TLK2: variants seen among roughly 807,000 people sequenced by gnomAD.
TLK2 encodes tousled like kinase 2, also known as serine/threonine-protein kinase tousled-like 2.
TLK2 carries 6 observed loss-of-function variants against 117.3 expected under a neutral mutation model. The observed-to-expected ratio is 0.05, with a 90% CI of 0.03 to 0.10. The LOEUF is 0.10. TLK2 is among the 10% of genes least tolerant of loss of function. The pLI is 1.00. For synonymous variants in TLK2, 257 were observed against 316.7 expected (o/e 0.81, Z 2.00); for missense variants, 299 against 901.2 (o/e 0.33, Z 8.56).
intron 7 of TLK2, among the ~76,000 whole-genome samples, chr17:62,548,574 C>T (rs969511854): frequency 4.6e-5 from 7 of 151,956 alleles, no homozygotes; most frequent in South Asian, 2.1e-4. Context: ...AGCCACTGCA[C>T]CCGGCCCTAT....
In TLK2 at chr17:62,556,355, T is replaced by C. The variant is rs1225894879; in HGVS notation, c.720+2600T>C. 6.6e-5 allele frequency among the ~76,000 whole-genome samples: 10 copies of C among 152,376 alleles called. No individual in the cohort carries two copies. In the Middle Eastern group the frequency reaches 0.01, roughly 155 times the overall value. On this transcript the variant is annotated intron_variant, in intron 9 of 21. Transcript: ENST00000346027. ...TTTATTCAACTGATTTCAAAACTTA[T>C]CAGCAGTATTTTTTTTATTTATAGT...
At chr17:62,494,248 A>T (rs1403297537) in intron 2 of TLK2, among the ~76,000 whole-genome samples, 1 of 151,876 alleles carries the variant, frequency 6.6e-6, no homozygotes, top group Non-Finnish European at 1.5e-5. Flanking sequence ...ACGCCTGGCT[A>T]ATTTTTGTAT....
chr17:62,473,770 GT>G (rs2070985128), intron 1 of TLK2, among the ~76,000 whole-genome samples: 1 of 152,002 alleles, frequency 6.6e-6, no homozygotes, highest in Admixed American at 6.5e-5. Flanking sequence ...TTCAGACATT[GT>G]TTGTGGCTAC....
chr17:62,591,271 C>T (rs1278380578), intron 16 of TLK2, among the ~76,000 whole-genome samples: 1 of 151,828 alleles, frequency 6.6e-6, no homozygotes, highest in Non-Finnish European at 1.5e-5. Flanking sequence ...GAAAGAAAAT[C>T]TGTATGTTTC....
At chr17:62,514,415 C>T (rs932973920) in intron 2 of TLK2, among the ~76,000 whole-genome samples, 3 of 150,510 alleles carry the variant, frequency 2.0e-5, no homozygotes, top group Admixed American at 6.6e-5. Context: ...CAGTTCTGGG[C>T]TTACAGGTGT....
intron 6 of TLK2, among the ~76,000 whole-genome samples, chr17:62,528,857 T>C (rs2076553478): frequency 6.6e-6 from 1 of 152,220 alleles, no homozygotes; most frequent in African/African-American, 2.4e-5. Flanking sequence ...AAGTTAACTC[T>C]ATGTAATTGT....
intron 2 of TLK2, among the ~76,000 whole-genome samples, chr17:62,512,672 T>C (rs545465339): frequency 5.9e-5 from 9 of 152,002 alleles, no homozygotes; most frequent in Non-Finnish European, 1.2e-4. Context: ...AGGGTCTTAC[T>C]CTGTACTTTT....
intron 3 of TLK2, among the ~76,000 whole-genome samples, chr17:62,521,393 TTGAC>T (rs1445133254): frequency 6.6e-6 from 1 of 152,168 alleles, no homozygotes; most frequent in African/African-American, 2.4e-5. Flanking sequence ...ATAAAATTGA[TTGAC>T]TGATTTTATT....
intron 7 of TLK2, among the ~76,000 whole-genome samples, chr17:62,546,480 T>G (rs1289655159): frequency 6.7e-6 from 1 of 149,134 alleles, no homozygotes. Context: ...CTCTGTGCTA[T>G]TCATGTTTCT....
chr17:62,611,133 G>GA lies in TLK2; in HGVS notation c.2080-1259_2080-1258insA, dbSNP rs748382571. ...AGCCTGGGTGACAGAACGAGATCTT[G>GA]TCTCTAAAAAAAGTTTTAAAAAACA... is the stretch of plus-strand genomic sequence containing the variant. On this transcript the variant is annotated intron_variant, in intron 21 of 21. Transcript: ENST00000346027. Among the ~76,000 whole-genome samples the GA allele has an allele frequency of 3.3e-4, 50 of 152,116 alleles. 1 individual carries two copies. Among genetic ancestry groups the GA allele is most frequent in the Non-Finnish European group, 5.3e-4 (36 of 68,020 alleles).
At chr17:62,604,286 C>T (rs947992327) in intron 19 of TLK2, among the ~76,000 whole-genome samples, 20 of 152,032 alleles carry the variant, frequency 1.3e-4, no homozygotes, top group Non-Finnish European at 2.5e-4. Flanking sequence ...GGAATATAGG[C>T]GTGAGCCACC....
At chr17:62,596,833 A>G (rs1000892047) in intron 17 of TLK2, among the ~76,000 whole-genome samples, 159 bp downstream of exon 17, 8 of 152,232 alleles carry the variant, frequency 5.3e-5, no homozygotes, top group African/African-American at 1.9e-4. Flanking sequence ...TGGATCAGCA[A>G]GAAACCTCTA....
rs114080698 is a variant in TLK2 at position 62,605,531 on chromosome 17, C to T, written c.1860-599C>T. ...GGAGCTACAGGGGTGTGCTACCAGG[C>T]GCAGCTAATTTTTGTATTTTTAGTA... On this transcript the variant is annotated intron_variant, in intron 19 of 21. Transcript: ENST00000346027. Among the ~76,000 whole-genome samples the T allele has an allele frequency of 5.3e-3, 800 of 151,972 alleles. 5 individuals are homozygous for T. The highest frequency in any genetic ancestry group is 0.018 in the African/African-American group (760 of 41,458).
chr17:62,524,533 A>G (rs71375861), intron 6 of TLK2, among the ~76,000 whole-genome samples: 1 of 152,172 alleles, frequency 6.6e-6, no homozygotes, highest in South Asian at 2.1e-4. Flanking sequence ...GCCAATCCTA[A>G]TATCTCTATA....
intron 18 of TLK2, among the ~76,000 whole-genome samples, chr17:62,601,372 T>G (rs886960190): frequency 2.0e-5 from 3 of 152,226 alleles, no homozygotes; most frequent in Non-Finnish European, 2.9e-5. Flanking sequence ...TATAGACAAC[T>G]CTAACAGCTT....
chr17:62,608,477 T>G (rs933705084), intron 21 of TLK2, among the ~76,000 whole-genome samples: 3 of 152,204 alleles, frequency 2.0e-5, no homozygotes, highest in Non-Finnish European at 4.4e-5. Context: ...CAGCTTCATC[T>G]GTATTCAGGG....
At chr17:62,555,641 C>A (rs1243347251) in intron 9 of TLK2, among the ~76,000 whole-genome samples, 1 of 151,950 alleles carries the variant, frequency 6.6e-6, no homozygotes, top group African/African-American at 2.4e-5. Flanking sequence ...CGCCACCACG[C>A]CCAGCTAATT....
chr17:62,476,911 G>A (rs1173320306), upstream of TLK2, among the ~76,000 whole-genome samples: 1 of 126,694 alleles, frequency 7.9e-6, no homozygotes, highest in East Asian at 2.3e-4. Flanking sequence ...GCAAAACCTC[G>A]ATTCTACCAA....
Position 62,536,241 on chromosome 17 carries a change from T to C in TLK2, c.435T>C (p.Ala145=), listed in dbSNP as rs1386413713. 6.2e-7 allele frequency: 1 copy of C among 1,613,114 alleles called. No individual in the cohort carries two copies. ...AGGAGGCAACGGAGGAGCAGTCTGC[T>C]CTGCCAACCCTCATGTCAGTGATGC... ...AAKEATEEQS[A]LPTLMSVMLA... The change falls in exon 7 of 22, where the codon GCT becomes GCC. Residue 145 remains alanine (A), a synonymous_variant. Transcript: ENST00000346027.
Sources: gnomAD v4.1 joint callset for allele counts (sites outside exome capture counted in the v4.1 genomes callset) on GRCh38, gnomAD v4.1.1 for gene constraint, MANE v1.5 for transcripts, NCBI Gene and HGNC (gene_info 2026-07-23, HGNC 2026-07-21) for gene names.